TTC3: variants seen among roughly 807,000 people sequenced by gnomAD.
TTC3 encodes the protein E3 ubiquitin-protein ligase TTC3.
Under a neutral mutation model 249.6 loss-of-function variants are expected in TTC3, and 180 were observed. The ratio of observed to expected loss-of-function variants is 0.72; its 90% CI spans 0.64 to 0.82. TTC3 has a LOEUF of 0.82. Among genes scored for constraint, TTC3 ranks in the 40% least tolerant of loss-of-function variants. The probability of loss-of-function intolerance (pLI) is 0.00; values close to 1 mark genes in which losing one functional copy is unlikely to be tolerated. For missense variants in TTC3, 2,061 were observed against 2,398.4 expected (o/e 0.86, Z 2.94); for synonymous variants, 717 against 805.0 (o/e 0.89, Z 1.85).
At chr21:37,164,010 A>G (rs1286895166) in intron 31 of TTC3, 41 bp from the exon 32 acceptor site, 16 of 1,581,824 alleles carry the variant, frequency 1.0e-5, no homozygotes, top group African/African-American at 1.4e-5. Flanking sequence ...CCAAAGGTCT[A>G]TCATCCACAA....
chr21:37,132,675 C>A lies in TTC3; in HGVS notation c.1359-7C>A. ...AATGATTTTTAAAAATGCTTTTTTT[C>A]TTTTAGTTCTAGTTCACCATTGACT... On this transcript the variant is annotated splice_region_variant and splice_polypyrimidine_tract_variant and intron_variant, in intron 16 of 45. Coordinates refer to ENST00000355666, the Ensembl canonical transcript of TTC3. The A allele has an allele frequency of 6.4e-7, 1 of 1,574,454 alleles. No individual in the cohort carries two copies. The highest frequency in any genetic ancestry group is 8.6e-7 in the Non-Finnish European group (1 of 1,165,908).
At position 37,108,382 on chromosome 21, in the gene TTC3, T is replaced by C; in HGVS notation, c.846-10T>C. The stretch of plus-strand genomic sequence containing the variant: ...AGTGAAAATTTTTAAATACTTGTTT[T>C]TCCTTTTAGAAATGCACTCGGTGAT... On this transcript the variant is annotated splice_polypyrimidine_tract_variant and intron_variant, in intron 10 of 45. Transcript: ENST00000355666. 1.2e-6 allele frequency: 2 copies of C among 1,605,208 alleles called. 1 individual carries two copies. Among genetic ancestry groups the C allele is most frequent in the Middle Eastern group, 3.4e-4 (2 of 5,888 alleles).
intron 1 of TTC3, chr21:37,082,492 G>T (rs2071833981): frequency 5.1e-6 from 5 of 985,290 alleles, no homozygotes; most frequent in Non-Finnish European, 4.8e-6. Flanking sequence ...AGCTTTGTCT[G>T]GGAGCCAGAA....
intron 35 of TTC3, among the ~76,000 whole-genome samples, chr21:37,178,500 T>C (rs901786008): frequency 1.3e-5 from 2 of 152,222 alleles, no homozygotes; most frequent in African/African-American, 2.4e-5. Flanking sequence ...CTAATGGGTA[T>C]GGAGTGGTAT....
At chr21:37,132,652 T>A (rs755106230) in intron 16 of TTC3, 30 bp from the exon 17 acceptor site, 1 of 1,550,282 alleles carries the variant, frequency 6.5e-7, no homozygotes, top group Admixed American at 1.8e-5. Flanking sequence ...TATTTTAAAA[T>A]GATTTTTAAA....
chr21:37,147,455 T>A, intron 21 of TTC3, 26 bp from the exon 22 acceptor site: 1 of 1,582,668 alleles, frequency 6.3e-7, no homozygotes, highest in East Asian at 2.3e-5. Context: ...ATTGTAATGG[T>A]ATCATTTTTG....
intron 14 of TTC3, 92 bp from the exon 15 acceptor site, chr21:37,125,988 C>T: frequency 1.6e-6 from 2 of 1,223,196 alleles, no homozygotes; most frequent in Non-Finnish European, 2.3e-6. Flanking sequence ...GAATTCTATC[C>T]TATTCTATTC....
chr21:37,102,085 C>T (rs1001251466), intron 10 of TTC3, among the ~76,000 whole-genome samples: 1 of 151,890 alleles, frequency 6.6e-6, no homozygotes, highest in Non-Finnish European at 1.5e-5. Flanking sequence ...CTGTAGGACA[C>T]ATTTCTGATA....
rs1454823436 is a variant in TTC3 at position 37,138,623 on chromosome 21, T to C, written c.1579-11T>C. 1 of 1,608,324 alleles carries C rather than the reference T, an allele frequency of 6.2e-7. No homozygotes were observed. ...TATTCAGATTTTTAACTGAGGCATT[T>C]TTATTGACAGCAATTGAACCTGGCC... On this transcript the variant is annotated splice_polypyrimidine_tract_variant and intron_variant, in intron 18 of 45. Coordinates refer to ENST00000355666, the Ensembl canonical transcript of TTC3.
At position 37,159,744 on chromosome 21, in the gene TTC3, C is replaced by T. The variant is rs201945843; in HGVS notation, c.3038C>T (p.Pro1013Leu). ...AGGAAACAAGATAGTGGTGAAGCAC[C>T]GGTAAGTTACTTGGATCACTTGAAT... is the stretch of plus-strand genomic sequence containing the variant. The change falls in exon 29 of 46, where the codon CCG becomes CTG. Residue 1013 changes from proline to leucine, a missense_variant and splice_region_variant. Physicochemically the swap from Pro to Leu is moderately conservative, Grantham distance 98. Transcript: ENST00000355666. The T allele has an allele frequency of 1.6e-5, 25 of 1,603,648 alleles. No individual in the cohort carries two copies. The highest frequency in any genetic ancestry group is 1.4e-4 in the Admixed American group (8 of 58,336).
intron 32 of TTC3, 60 bp downstream of exon 32, chr21:37,164,275 A>G: frequency 1.4e-6 from 2 of 1,396,832 alleles, no homozygotes; most frequent in Non-Finnish European, 1.9e-6. Flanking sequence ...ATTAAAGATC[A>G]GAAGTTGTTT....
chr21:37,126,844 CTT>C (rs2077076302), intron 15 of TTC3, among the ~76,000 whole-genome samples: 2 of 151,394 alleles, frequency 1.3e-5, no homozygotes, highest in South Asian at 4.2e-4. Context: ...TCTGGGGTCT[CTT>C]TTCTTTTTCT....
chr21:37,117,391 G>T (rs2076222620), intron 11 of TTC3, among the ~76,000 whole-genome samples: 1 of 152,152 alleles, frequency 6.6e-6, no homozygotes, highest in Non-Finnish European at 1.5e-5. Context: ...CAGTTTGTTG[G>T]TATTTTCATT....
At chr21:37,124,592 T>C in intron 13 of TTC3, 27 bp from the exon 14 acceptor site, 1 of 1,602,070 alleles carries the variant, frequency 6.2e-7, no homozygotes, top group East Asian at 2.2e-5. Context: ...AAAAAATGTA[T>C]AATAATTCCT....
chr21:37,098,705 C>T (rs2074188354), intron 10 of TTC3: 1 of 152,126 alleles, frequency 6.6e-6, no homozygotes, highest in Admixed American at 6.5e-5. Context: ...ATATGATTTG[C>T]TCAGTAATGT....
At chr21:37,161,427 C>T (rs1340332262) in intron 30 of TTC3, among the ~76,000 whole-genome samples, 1 of 152,234 alleles carries the variant, frequency 6.6e-6, no homozygotes, top group Non-Finnish European at 1.5e-5. Flanking sequence ...AGGCGCATGC[C>T]ACCATGCCCA....
At chr21:37,188,234 C>G (rs968670937) in intron 38 of TTC3, 1 of 329,906 alleles carries the variant, frequency 3.0e-6, no homozygotes, top group Non-Finnish European at 5.8e-6. Context: ...TTATATATAG[C>G]TTAAGCAGAA....
At chr21:37,190,853 C>T (rs1272588134) in intron 39 of TTC3, among the ~76,000 whole-genome samples, 1 of 152,162 alleles carries the variant, frequency 6.6e-6, no homozygotes, top group Non-Finnish European at 1.5e-5. Flanking sequence ...CTGTCACTTT[C>T]AATAGACCAG....
chr21:37,106,742 C>A (rs1338226756), intron 10 of TTC3, among the ~76,000 whole-genome samples: 1 of 152,104 alleles, frequency 6.6e-6, no homozygotes, highest in African/African-American at 2.4e-5. Context: ...AAAAATTAGC[C>A]AGAAATTAGC....
Sources: gnomAD v4.1 joint callset for allele counts (sites outside exome capture counted in the v4.1 genomes callset) on GRCh38, gnomAD v4.1.1 for gene constraint, MANE v1.5 for transcripts, NCBI Gene and HGNC (gene_info 2026-07-23, HGNC 2026-07-21) for gene names.